The following KRT28 variants were observed in gnomAD, a reference collection of about 807,000 sequenced individuals.
KRT28 encodes keratin, type I cytoskeletal 28.
In KRT28, 45 loss-of-function variants were observed where a neutral mutation model predicts 48.1. The observed-to-expected ratio is 0.94, with a 90% confidence interval of 0.74 to 1.20. KRT28 has a LOEUF of 1.20. KRT28 is among the 50% of genes most tolerant of loss of function. The pLI is 0.00. For synonymous variants in KRT28, 228 were observed against 227.4 expected (o/e 1.00, Z -0.03); for missense variants, 571 against 574.1 (o/e 0.99, Z 0.06).
At chr17:40,797,996 T>C (rs1243101329) in intron 3 of KRT28, among the ~76,000 whole-genome samples, 2 of 152,158 alleles carry the variant, frequency 1.3e-5, no homozygotes, top group Non-Finnish European at 2.9e-5. Flanking sequence ...ATGACCGCTG[T>C]CATTTATTGA....
In KRT28 at chr17:40,799,464, T is replaced by C; in HGVS notation, c.430A>G (p.Ile144Val). Residue 144 changes from isoleucine (I) to valine (V), a missense_variant, in exon 1 of 8, where the codon ATT (isoleucine) becomes GTT (valine). Ile to Val is a conservative substitution (Grantham distance 29, BLOSUM62 3). Coordinates refer to ENST00000306658, the MANE Select transcript of KRT28 (RefSeq NM_181535.3). ...CTCACCTTATTCTTAAGATCCTCAA[T>C]TGTTAGGTGATATCTGCTATAGTCA... ...DHDYSRYHLT[I>V]EDLKNKIISS... The C allele has an allele frequency of 6.2e-7, 1 of 1,606,504 alleles. No homozygotes were observed. The highest frequency in any genetic ancestry group is 8.5e-7 in the Non-Finnish European group (1 of 1,174,488).
At chr17:40,797,685 G>T (rs186900902) in intron 3 of KRT28, among the ~76,000 whole-genome samples, 25 of 152,204 alleles carry the variant, frequency 1.6e-4, no homozygotes, top group Non-Finnish European at 2.9e-4. Context: ...GGAGGTGGAG[G>T]TTGCAGTGAG....
chr17:40,796,819 A>G (rs1904621849), intron 5 of KRT28, 97 bp downstream of exon 5: 1 of 1,444,834 alleles, frequency 6.9e-7, no homozygotes, highest in South Asian at 1.4e-5. Flanking sequence ...TTTGCAGGCA[A>G]AGGTATAATA....
At chr17:40,793,283 G>T in intron 6 of KRT28, 73 bp from the exon 7 acceptor site, 1 of 989,898 alleles carries the variant, frequency 1.0e-6, no homozygotes, top group Non-Finnish European at 1.4e-6. Flanking sequence ...TTGACTCAAT[G>T]AATGAAATTT....
At chr17:40,798,423 A>T in intron 2 of KRT28, 32 bp from the exon 3 acceptor site, 1 of 1,581,564 alleles carries the variant, frequency 6.3e-7, no homozygotes, top group Non-Finnish European at 8.6e-7. Flanking sequence ...TTTCAGTGCC[A>T]GTAAGACTAC....
At chr17:40,795,070 A>G (rs1904580831) in intron 5 of KRT28, among the ~76,000 whole-genome samples, 1 of 152,222 alleles carries the variant, frequency 6.6e-6, no homozygotes, top group Non-Finnish European at 1.5e-5. Flanking sequence ...TAGTGACTTC[A>G]TTCTAGCATT....
Position 40,792,370 on chromosome 17 carries a change from G to T in KRT28, c.*57C>A. ...GTGTGTATATTCTCTCTGATATTTA[G>T]AATAATGCAATTGTACAGGATCCTT... On this transcript the variant is annotated 3_prime_UTR_variant, in exon 8 of 8. Coordinates refer to ENST00000306658, the MANE Select transcript of KRT28 (RefSeq NM_181535.3). 7.1e-7 allele frequency: 1 copy of T among 1,411,202 alleles called. No individual in the cohort carries two copies. Among genetic ancestry groups the T allele is most frequent in the Non-Finnish European group, 9.7e-7 (1 of 1,032,226 alleles). The allele number at this position is 1,411,202 out of a possible 1,614,324, so 87.4% of individuals were successfully genotyped here. A position where few individuals can be genotyped will look rare whatever the true frequency, so the allele number is the denominator to read the frequency against.
In KRT28 at chr17:40,793,987, C is replaced by T. The variant is rs2270153; in HGVS notation, c.1038G>A (p.Ala346=). The change falls in exon 6 of 8, where the codon GCG becomes GCA. Residue 346 remains alanine (A), a synonymous_variant. Coordinates refer to ENST00000306658, the MANE Select transcript of KRT28 (RefSeq NM_181535.3). ...ETESNYCTQL[A]QIQAQIGALE... The stretch of plus-strand genomic sequence containing the variant: ...GGGCCCCGATCTGAGCCTGGATCTG[C>T]GCCAGCTGCGTACAGTAGTTGCTCT... 42,650 of 1,613,842 alleles carry T rather than the reference C, an allele frequency of 0.026. 3,729 individuals carry two copies. Among genetic ancestry groups the T allele is most frequent in the Admixed American group, 0.24 (14,391 of 60,000 alleles).
chr17:40,798,601 A>C (rs1301685548), intron 2 of KRT28, among the ~76,000 whole-genome samples: 1 of 152,264 alleles, frequency 6.6e-6, no homozygotes, highest in Non-Finnish European at 1.5e-5. Context: ...TTCCAATAGC[A>C]TAACCTAGTT....
Position 40,792,450 on chromosome 17 carries a change from T to C in KRT28, c.1372A>G (p.Thr458Ala). ...AGCTAGAAAGGAACCCTTTGTTCTG[T>C]CTTGCCGTTGGTCATTTTAGATGTC... ...EKTSKMTNGK[T>A]EQRVPF Residue 458 changes from threonine to alanine, a missense_variant, in exon 8 of 8, where the codon ACA becomes GCA. By Grantham distance (58) the Thr-to-Ala change is moderately conservative. Coordinates refer to ENST00000306658, the MANE Select transcript of KRT28 (RefSeq NM_181535.3). 1 of 1,613,258 alleles carries C rather than the reference T, an allele frequency of 6.2e-7. No individual in the cohort carries two copies. Among genetic ancestry groups the C allele is most frequent in the Non-Finnish European group, 8.5e-7 (1 of 1,179,682 alleles).
In KRT28 at chr17:40,798,430, C is replaced by T. The variant is rs1273092632; in HGVS notation, c.534-39G>A. 7 of 1,576,220 alleles carry T rather than the reference C, an allele frequency of 4.4e-6. No individual in the cohort carries two copies. The Admixed American group carries it at 1.2e-4, about 27-fold the overall frequency. On this transcript the variant is annotated intron_variant, in intron 2 of 7. Transcript: ENST00000306658. ...TAAGTGAATTTCAGTGCCAGTAAGA[C>T]TACCCCAAGAAACAGAAATATTCAA...
rs183498135 is a variant in KRT28, at chr17:40,793,421, T to C, written c.1197-211A>G. 2.5e-3 allele frequency among the ~76,000 whole-genome samples: 384 copies of C among 152,332 alleles called. 3 individuals are homozygous for C. The highest frequency in any genetic ancestry group is 4.3e-3 in the Non-Finnish European group (292 of 68,026). On this transcript the variant is annotated intron_variant, in intron 6 of 7. Coordinates refer to ENST00000306658, the MANE Select transcript of KRT28 (RefSeq NM_181535.3). The stretch of plus-strand genomic sequence containing the variant: ...TAAATCTTGTTTCCATTTGATTTTT[T>C]TTTTTACACCCAAGAATTTAAAACT...
At chr17:40,797,377 G>C in intron 3 of KRT28, 96 bp from the exon 4 acceptor site, 1 of 1,231,300 alleles carries the variant, frequency 8.1e-7, no homozygotes, top group Non-Finnish European at 1.1e-6. Context: ...CAAAGTTTGC[G>C]GTCAGGTGTA....
intron 4 of KRT28, 37 bp from the exon 5 acceptor site, chr17:40,797,078 AC>A (rs779390617): frequency 1.9e-6 from 3 of 1,610,234 alleles, no homozygotes; most frequent in Non-Finnish European, 2.5e-6. Context: ...CGGAGTCCCC[AC>A]CCCCGGGGAG....
At chr17:40,794,232 G>C (rs1461159180) in intron 5 of KRT28, among the ~76,000 whole-genome samples, 186 bp from the exon 6 acceptor site, 1 of 152,122 alleles carries the variant, frequency 6.6e-6, no homozygotes, top group African/African-American at 2.4e-5. Flanking sequence ...GATGGACGTG[G>C]GATCCTGACC....
rs1298348408 is a variant in KRT28 at position 40,792,208 on chromosome 17, A to ATAGT, written c.*215_*218dup. ...AATGAGACATAGAAAAAAATCACAA[A>ATAGT]TAGTTATTTATTAGTCATCAGTGAA... On this transcript the variant is annotated 3_prime_UTR_variant, in exon 8 of 8. Coordinates refer to ENST00000306658, the MANE Select transcript of KRT28 (RefSeq NM_181535.3). The ATAGT allele has an allele frequency of 7.8e-6, 3 of 382,246 alleles. No homozygotes were observed. Among genetic ancestry groups the ATAGT allele is most frequent in the East Asian group, 8.3e-5 (2 of 24,142 alleles). The allele number at this position is 382,246 out of a possible 1,614,324, so 23.7% of individuals were successfully genotyped here. A position where few individuals can be genotyped will look rare whatever the true frequency, so the allele number is the denominator to read the frequency against.
At position 40,799,537 on chromosome 17, in the gene KRT28, C is replaced by T; in HGVS notation, c.357G>A (p.Lys119=). Residue 119 remains lysine, a synonymous_variant, in exon 1 of 8, where the codon AAG becomes AAA. Transcript: ENST00000306658. ...EANAELERKI[K]GWYEKYGPGS... Reference sequence around the variant, plus strand: ...CAGGTCCGTATTTTTCATACCAACCCTTGATTTTTCTCTCTAATTCAGCAT... The same window carrying T: ...CAGGTCCGTATTTTTCATACCAACCTTTGATTTTTCTCTCTAATTCAGCAT... 2 of 1,614,140 alleles carry T rather than the reference C, an allele frequency of 1.2e-6. No homozygotes were observed. The highest frequency in any genetic ancestry group is 1.7e-6 in the Non-Finnish European group (2 of 1,180,012).
chr17:40,793,348 G>A (rs1904534657), intron 6 of KRT28, 138 bp from the exon 7 acceptor site: 1 of 539,310 alleles, frequency 1.9e-6, no homozygotes. Context: ...AGATTTTTAT[G>A]TGTAGGAGCT....
intron 4 of KRT28, 33 bp from the exon 5 acceptor site, chr17:40,797,074 C>A (rs549245253): frequency 6.2e-7 from 1 of 1,610,578 alleles, no homozygotes; most frequent in Non-Finnish European, 8.5e-7. Flanking sequence ...CACACGGAGT[C>A]CCCACCCCCG....
Sources: allele counts gnomAD v4.1 joint callset (sites outside exome capture counted in the v4.1 genomes callset), GRCh38; gene constraint gnomAD v4.1.1; transcripts MANE v1.5; gene names NCBI Gene and HGNC (gene_info 2026-07-23, HGNC 2026-07-21).